CARMIL1: variants seen among roughly 807,000 people sequenced by gnomAD.
CARMIL1 encodes capping protein regulator and myosin 1 linker 1.
A neutral mutation model predicts 177.1 loss-of-function variants in CARMIL1; 90 were observed. That is an observed-to-expected ratio of 0.51 (90% CI 0.43 to 0.61). CARMIL1 has a LOEUF of 0.61. Ranked by LOEUF, CARMIL1 falls within the 20% of genes least tolerant of loss-of-function variation. The probability of loss-of-function intolerance (pLI) is 0.00; values close to 1 mark genes in which losing one functional copy is unlikely to be tolerated. For missense variants in CARMIL1, 1,380 were observed against 1,667.0 expected, an observed-to-expected ratio of 0.83 and a Z score of 3.00; for synonymous variants, 577 against 606.2, an observed-to-expected ratio of 0.95 and a Z score of 0.71.
At chr6:25,299,090 G>A (rs1471346378) in intron 2 of CARMIL1, among the ~76,000 whole-genome samples, 3 of 151,324 alleles carry the variant, frequency 2.0e-5, no homozygotes, top group African/African-American at 4.9e-5. Context: ...GATCGGGGGT[G>A]CAGGGTGCAT....
intron 23 of CARMIL1, among the ~76,000 whole-genome samples, chr6:25,525,155 AC>A (rs1165201109): frequency 1.3e-5 from 2 of 152,200 alleles, no homozygotes; most frequent in Non-Finnish European, 2.9e-5. Flanking sequence ...CAGGATAAAT[AC>A]CAAAAAAGCA....
chr6:25,563,789 AACC>A, intron 29 of CARMIL1: 1 of 985,400 alleles, frequency 1.0e-6, no homozygotes, highest in Non-Finnish European at 1.2e-6. Context: ...TGGATCACAG[AACC>A]ACCGTCTGTG....
At chr6:25,571,885 T>G in intron 29 of CARMIL1, among the ~76,000 whole-genome samples, 1 of 151,546 alleles carries the variant, frequency 6.6e-6, no homozygotes, top group African/African-American at 2.4e-5. Context: ...GGGATGGGAG[T>G]GGGGAGGGAG....
In CARMIL1 at chr6:25,281,136, G is replaced by GCACACACA. The variant is rs1554148590; in HGVS notation, c.40+1327_40+1334dup. On this transcript the variant is annotated intron_variant, in intron 1 of 36. Transcript: ENST00000329474. Reference sequence around the variant, plus strand: ...CAGACGCACGCGCGTGTGCGCGCGCGCACACACACACACACACACACACAC... The same window carrying GCACACACA: ...CAGACGCACGCGCGTGTGCGCGCGCGCACACACACACACACACACACACACACACACAC... Among the ~76,000 whole-genome samples, 843 of 132,174 alleles carry GCACACACA rather than the reference G, an allele frequency of 6.4e-3. 9 individuals carry two copies. Among genetic ancestry groups the GCACACACA allele is most frequent in the Middle Eastern group, 0.031 (8 of 262 alleles). The allele number at this position is 132,174 out of a possible 152,430, so 86.7% of individuals were successfully genotyped here. A position where few individuals can be genotyped will look rare whatever the true frequency, so the allele number is the denominator to read the frequency against.
chr6:25,596,865 A>G (rs943861365), intron 32 of CARMIL1, among the ~76,000 whole-genome samples: 4 of 151,746 alleles, frequency 2.6e-5, no homozygotes, highest in Non-Finnish European at 4.4e-5. Context: ...ACACACACAC[A>G]CACACACACA....
intron 8 of CARMIL1, chr6:25,452,638 A>G (rs1236232089): frequency 6.5e-6 from 1 of 153,646 alleles, no homozygotes; most frequent in Admixed American, 6.5e-5. Flanking sequence ...ATATTTTCCA[A>G]AACAAAAATA....
chr6:25,586,784 C>G (rs1244139096), intron 31 of CARMIL1, among the ~76,000 whole-genome samples: 1 of 152,138 alleles, frequency 6.6e-6, no homozygotes, highest in Non-Finnish European at 1.5e-5. Flanking sequence ...GAAACCCCGT[C>G]TCCACCAAAA....
chr6:25,279,849 G>T lies in CARMIL1; in HGVS notation c.40+14G>T, dbSNP rs759422508. On this transcript the variant is annotated intron_variant, in intron 1 of 36. Transcript: ENST00000329474. The stretch of plus-strand genomic sequence containing the variant: ...GGGAGTTGATAGGTAAGATTCACGC[G>T]GTTGTTGGTTTTCCACCTTCCTCTG... The T allele has an allele frequency of 1.2e-5, 20 of 1,613,742 alleles. No homozygotes were observed. Among genetic ancestry groups the T allele is most frequent in the East Asian group, 2.2e-5 (1 of 44,896 alleles).
intron 29 of CARMIL1, among the ~76,000 whole-genome samples, chr6:25,574,916 G>C (rs1007117425): frequency 3.9e-5 from 6 of 152,056 alleles, no homozygotes; most frequent in Admixed American, 3.9e-4. Context: ...TTTGGGAATA[G>C]AAGAATTTTA....
At chr6:25,295,234 T>A (rs993655221) in intron 2 of CARMIL1, among the ~76,000 whole-genome samples, 7 of 152,180 alleles carry the variant, frequency 4.6e-5, no homozygotes, top group Non-Finnish European at 8.8e-5. Context: ...TGATATATTT[T>A]AAAAAATGGA....
chr6:25,335,749 G>A (rs906605608), intron 2 of CARMIL1, among the ~76,000 whole-genome samples: 1 of 152,242 alleles, frequency 6.6e-6, no homozygotes, highest in Non-Finnish European at 1.5e-5. Context: ...GCGGCAGGGT[G>A]GGCGCTAAAG....
chr6:25,313,421 A>G (rs1784002593), intron 2 of CARMIL1, among the ~76,000 whole-genome samples: 1 of 152,132 alleles, frequency 6.6e-6, no homozygotes, highest in Non-Finnish European at 1.5e-5. Flanking sequence ...TTCCCTGCTC[A>G]AGTTGCTATC....
intron 2 of CARMIL1, among the ~76,000 whole-genome samples, chr6:25,348,840 A>G (rs1326092857): frequency 6.6e-6 from 1 of 152,162 alleles, no homozygotes; most frequent in Admixed American, 6.5e-5. Flanking sequence ...ATTTTTGGTG[A>G]ATCAGTGAGT....
At chr6:25,612,948 A>G (rs1030822374) in intron 36 of CARMIL1, 1 of 939,602 alleles carries the variant, frequency 1.1e-6, no homozygotes, top group African/African-American at 1.8e-5. Context: ...ACTAACAAAA[A>G]CAAACTGTAA....
chr6:25,314,544 A>T (rs12110528), intron 2 of CARMIL1, among the ~76,000 whole-genome samples: 29 of 105,414 alleles, frequency 2.8e-4, no homozygotes, highest in African/African-American at 1.1e-3. Context: ...ACGTATACAT[A>T]CACATACATA....
intron 2 of CARMIL1, among the ~76,000 whole-genome samples, chr6:25,312,752 CTT>C (rs1239461761): frequency 2.8e-5 from 4 of 143,516 alleles, no homozygotes; most frequent in Admixed American, 6.9e-5. Context: ...TTACTTTTGT[CTT>C]TTTTTTTTTC....
At chr6:25,330,463 G>A (rs1309326358) in intron 2 of CARMIL1, among the ~76,000 whole-genome samples, 1 of 152,202 alleles carries the variant, frequency 6.6e-6, no homozygotes, top group Non-Finnish European at 1.5e-5. Context: ...TTGCAGCTTG[G>A]TAACTGGATT....
At chr6:25,535,623 C>A (rs1808219540) in intron 24 of CARMIL1, among the ~76,000 whole-genome samples, 2 of 152,194 alleles carry the variant, frequency 1.3e-5, no homozygotes, top group Non-Finnish European at 2.9e-5. Context: ...AGCCCTAACA[C>A]AACCATCTTC....
At position 25,510,600 on chromosome 6, in the gene CARMIL1, A is replaced by C; in HGVS notation, c.1571A>C (p.Lys524Thr). Residue 524 changes from lysine to threonine, a missense_variant, in exon 19 of 37, where the codon AAA (lysine) becomes ACA (threonine). Physicochemically the swap from Lys to Thr is moderately conservative, Grantham distance 78 (BLOSUM62 -1). Transcript: ENST00000329474. ...LALGKNFNNM[K>T]SKNLTPVLDN... ...TTAGGCAAAAATTTTAATAATATGA[A>C]ATCCAAGTAAGAGTTTTGAATTTTT... 6.5e-7 allele frequency: 1 copy of C among 1,545,898 alleles called. No individual in the cohort carries two copies. The highest frequency in any genetic ancestry group is 8.8e-7 in the Non-Finnish European group (1 of 1,142,646).
Sources: gnomAD v4.1 joint callset for allele counts (sites outside exome capture counted in the v4.1 genomes callset) on GRCh38, gnomAD v4.1.1 for gene constraint, MANE v1.5 for transcripts, NCBI Gene and HGNC (gene_info 2026-07-23, HGNC 2026-07-21) for gene names.